The following ITCH variants were observed in gnomAD, a reference collection of about 807,000 sequenced individuals.
ITCH encodes the protein itchy E3 ubiquitin protein ligase, also known as E3 ubiquitin-protein ligase Itchy homolog.
Under a neutral mutation model 126.8 loss-of-function variants are expected in ITCH, and 28 were observed. That is an observed-to-expected ratio of 0.22 (90% CI 0.16 to 0.30). The LOEUF (loss-of-function observed/expected upper bound fraction) is 0.30, where lower values mean the gene tolerates loss of function less well. ITCH is among the 10% of genes least tolerant of loss of function. The pLI is 1.00. For missense variants in ITCH, 631 were observed against 1,032.4 expected (o/e 0.61, Z 5.33); for synonymous variants, 342 against 340.0 (o/e 1.01, Z -0.06).
At chr20:34,489,409 C>G (rs373806282) in intron 21 of ITCH, 23 bp downstream of exon 21, 263 of 1,605,036 alleles carry the variant, frequency 1.6e-4, no homozygotes, top group Admixed American at 6.5e-4. Flanking sequence ...CCTTCATTCC[C>G]CTGTACCATG....
At position 34,449,391 on chromosome 20, in the gene ITCH, C is replaced by G; in HGVS notation, c.1141-20C>G. On this transcript the variant is annotated intron_variant, in intron 11 of 24. Transcript: ENST00000374864. ...GTTGTTAAGTTGTTAATAGTTTCAT[C>G]ACTTTTTGGTTCTTTTTAGAATCAA... 2 of 1,501,980 alleles carry G rather than the reference C, an allele frequency of 1.3e-6. No individual in the cohort carries two copies. The highest frequency in any genetic ancestry group is 1.9e-6 in the Non-Finnish European group (2 of 1,079,602). 93.0% of individuals were successfully genotyped at this position (1,501,980 alleles called of 1,614,324 possible).
At chr20:34,476,017 G>A (rs929598288) in intron 16 of ITCH, 19 of 1,591,608 alleles carry the variant, frequency 1.2e-5, no homozygotes, top group Non-Finnish European at 1.6e-5. Flanking sequence ...TTGTCAAACA[G>A]ATTTGGCAGC....
At chr20:34,479,904 G>GT (rs1306176342) in intron 18 of ITCH, 115 bp downstream of exon 18, 4 of 1,005,404 alleles carry the variant, frequency 4.0e-6, no homozygotes, top group East Asian at 4.9e-5. Context: ...GTTTTGTTTT[G>GT]TTTTTTATTT....
At chr20:34,422,427 A>G (rs1980895825) in intron 6 of ITCH, among the ~76,000 whole-genome samples, 1 of 152,236 alleles carries the variant, frequency 6.6e-6, no homozygotes, top group Non-Finnish European at 1.5e-5. Flanking sequence ...GACACATTTT[A>G]GTAACTTATG....
At chr20:34,447,160 CAG>C (rs1304824251) in intron 11 of ITCH, among the ~76,000 whole-genome samples, 1 of 145,632 alleles carries the variant, frequency 6.9e-6, no homozygotes, top group Non-Finnish European at 1.5e-5. Context: ...ATTTAGTACT[CAG>C]AGTCTTTGGA....
At chr20:34,501,636 G>A (rs374422998) in intron 23 of ITCH, among the ~76,000 whole-genome samples, 4 of 152,088 alleles carry the variant, frequency 2.6e-5, no homozygotes, top group African/African-American at 4.8e-5. Flanking sequence ...TTAGCCAGGC[G>A]TGGTGGCACA....
At chr20:34,474,486 T>G (rs901690502) in intron 16 of ITCH, among the ~76,000 whole-genome samples, 1 of 152,196 alleles carries the variant, frequency 6.6e-6, no homozygotes, top group Non-Finnish European at 1.5e-5. Context: ...GGGGGTAAGG[T>G]CACAGATCAA....
chr20:34,437,155 TATGTGAGGAGAGAGAG>T (rs1236180535), intron 7 of ITCH, among the ~76,000 whole-genome samples: 1 of 151,752 alleles, frequency 6.6e-6, no homozygotes, highest in East Asian at 1.9e-4. Flanking sequence ...AGAAAAAAAC[TATGTGAGGAGAGAGAG>T]ATGTTAATTA....
At chr20:34,473,029 A>G (rs1049418599) in intron 16 of ITCH, among the ~76,000 whole-genome samples, 1 of 152,242 alleles carries the variant, frequency 6.6e-6, no homozygotes, top group Non-Finnish European at 1.5e-5. Context: ...GTCTTTTGCA[A>G]AATAACTGAC....
At chr20:34,389,319 C>A (rs2146056304) in intron 2 of ITCH, among the ~76,000 whole-genome samples, 1 of 152,162 alleles carries the variant, frequency 6.6e-6, no homozygotes, top group East Asian at 1.9e-4. Context: ...CTCCTGGCCT[C>A]AATCTGTGTG....
chr20:34,481,733 C>T (rs1459654332), intron 20 of ITCH, among the ~76,000 whole-genome samples: 2 of 152,114 alleles, frequency 1.3e-5, no homozygotes, highest in African/African-American at 4.8e-5. Flanking sequence ...TCATCATCGG[C>T]CAGGCATGGT....
At chr20:34,428,030 T>C (rs1981780433) in intron 7 of ITCH, among the ~76,000 whole-genome samples, 1 of 152,240 alleles carries the variant, frequency 6.6e-6, no homozygotes, top group Non-Finnish European at 1.5e-5. Context: ...ATAAATAATT[T>C]GGGGAACAAT....
chr20:34,419,209 G>A lies in ITCH; in HGVS notation c.476-5271G>A, dbSNP rs559367087. On this transcript the variant is annotated intron_variant, in intron 6 of 24. Coordinates refer to ENST00000374864, the MANE Select transcript of ITCH (RefSeq NM_031483.7). Reference sequence around the variant, plus strand: ...TTCATTTTTACAATTTACAAAGCCCGTTGTTATATATTCTCATATTTAATA... The same window carrying A: ...TTCATTTTTACAATTTACAAAGCCCATTGTTATATATTCTCATATTTAATA... Among the ~76,000 whole-genome samples, 23 of 152,168 alleles carry A rather than the reference G, an allele frequency of 1.5e-4. 1 individual carries two copies. Among genetic ancestry groups the A allele is most frequent in the South Asian group, 6.2e-4 (3 of 4,826 alleles).
intron 13 of ITCH, among the ~76,000 whole-genome samples, chr20:34,460,401 C>T (rs574209682): frequency 6.6e-6 from 1 of 150,388 alleles, no homozygotes; most frequent in East Asian, 2.0e-4. Context: ...CTATGTTGCC[C>T]AGGCTGGTGG....
intron 7 of ITCH, among the ~76,000 whole-genome samples, chr20:34,437,461 A>G (rs972795648): frequency 5.9e-5 from 9 of 152,130 alleles, no homozygotes; most frequent in Non-Finnish European, 1.0e-4. Flanking sequence ...GTGCCCTGCC[A>G]TGCCCAGCTA....
At chr20:34,442,020 T>C in intron 9 of ITCH, 188 bp from the exon 10 acceptor site, 1 of 618,444 alleles carries the variant, frequency 1.6e-6, no homozygotes, top group Non-Finnish European at 2.9e-6. Context: ...TTGAATTCAC[T>C]GTGTGCCACT....
At chr20:34,394,209 CAAAAA>C (rs59876098) in intron 3 of ITCH, among the ~76,000 whole-genome samples, 1,130 of 62,888 alleles carry the variant, frequency 0.018, 4 homozygotes, top group Non-Finnish European at 0.03. Context: ...GAGACTGTCT[CAAAAA>C]AAAAAAAAAA....
intron 20 of ITCH, among the ~76,000 whole-genome samples, chr20:34,487,412 ATTGCTATTTGTT>A (rs1335549535): frequency 2.6e-5 from 4 of 152,126 alleles, no homozygotes; most frequent in Admixed American, 6.6e-5. Context: ...TTGTCTAACC[ATTGCTATTTGTT>A]TTGCTATTTG....
intron 5 of ITCH, 102 bp downstream of exon 5, chr20:34,412,741 T>A: frequency 1.0e-6 from 1 of 991,720 alleles, no homozygotes; most frequent in Non-Finnish European, 1.6e-6. Flanking sequence ...CTCATACTTT[T>A]AAGTTTTACT....
Sources: allele counts gnomAD v4.1 joint callset (sites outside exome capture counted in the v4.1 genomes callset), GRCh38; gene constraint gnomAD v4.1.1; transcripts MANE v1.5; gene names NCBI Gene and HGNC (gene_info 2026-07-23, HGNC 2026-07-21).